The following RAVER1 variants were observed in gnomAD, a reference collection of about 807,000 sequenced individuals.
RAVER1 encodes the protein ribonucleoprotein, PTB binding 1, also known as ribonucleoprotein PTB-binding 1.
Under a neutral mutation model 68.4 loss-of-function variants are expected in RAVER1, and 36 were observed. That is an observed-to-expected ratio of 0.53 (90% CI 0.40 to 0.70). The LOEUF (loss-of-function observed/expected upper bound fraction) is 0.70. Ranked by LOEUF, RAVER1 falls within the 30% of genes least tolerant of loss-of-function variation. The pLI is 0.00. For missense variants in RAVER1, 933 were observed against 1,019.8 expected (o/e 0.91, Z 1.16); for synonymous variants, 469 against 472.7 (o/e 0.99, Z 0.10).
chr19:10,327,410 C>T (rs539981848), intron 3 of RAVER1, among the ~76,000 whole-genome samples: 31 of 151,952 alleles, frequency 2.0e-4, no homozygotes, highest in Non-Finnish European at 4.4e-4. Context: ...ACTACAGGCA[C>T]ACCATCATAC....
At chr19:10,324,786 G>A (rs970923200) in intron 3 of RAVER1, among the ~76,000 whole-genome samples, 2 of 152,194 alleles carry the variant, frequency 1.3e-5, no homozygotes, top group African/African-American at 4.8e-5. Context: ...ACCTCAAGCT[G>A]CTTCACTGTC....
chr19:10,324,630 T>G (rs1430754480), intron 3 of RAVER1, among the ~76,000 whole-genome samples: 1 of 152,132 alleles, frequency 6.6e-6, no homozygotes, highest in African/African-American at 2.4e-5. Flanking sequence ...CCGCCTGCCT[T>G]GGCCTCCCAA....
At chr19:10,320,596 A>G in intron 9 of RAVER1, 59 bp downstream of exon 9, 1 of 1,452,678 alleles carries the variant, frequency 6.9e-7, no homozygotes, top group South Asian at 1.3e-5. Flanking sequence ...TCCTAGAGAA[A>G]TATCAGTTTG....
Position 10,329,284 on chromosome 19 carries a change from C to T in RAVER1, c.287-173G>A, listed in dbSNP as rs2040497687. ...CACAGGCGAGAGCGCCTGCCATTGA[C>T]TCTAGGCTCCACGAAGCCCACTCCC... On this transcript the variant is annotated intron_variant, in intron 2 of 12. Coordinates refer to ENST00000617231, the MANE Select transcript of RAVER1 (RefSeq NM_133452.3). The surrounding 1 kb of genome is among the most constrained non-coding windows in gnomAD (Gnocchi z 4.6). Among the ~76,000 whole-genome samples the T allele has an allele frequency of 6.6e-6, 1 of 152,228 alleles. No homozygotes were observed. Among genetic ancestry groups the T allele is most frequent in the Non-Finnish European group, 1.5e-5 (1 of 68,040 alleles).
rs550762856 is a variant in RAVER1 at position 10,322,348 on chromosome 19, C to T, written c.1173+297G>A. 1 of 411,966 alleles carries T rather than the reference C, an allele frequency of 2.4e-6. No individual in the cohort carries two copies. Among genetic ancestry groups the T allele is most frequent in the South Asian group, 4.0e-5 (1 of 25,094 alleles). 25.5% of individuals were successfully genotyped at this position (411,966 alleles called of 1,614,324 possible). ...GGTGCCCAGCAGCGGCGCTCCCAGC[C>T]CACACCCAGTTTCAGGCTGTAAATG... On this transcript the variant is annotated intron_variant, in intron 6 of 12. Transcript: ENST00000617231. This position sits in a 1 kb window ranked among gnomAD's most constrained non-coding sequence, Gnocchi z 4.3.
At position 10,323,219 on chromosome 19, in the gene RAVER1, T is replaced by C. The variant is rs962135199; in HGVS notation, c.1004A>G (p.Asn335Ser). 5 of 1,613,178 alleles carry C rather than the reference T, an allele frequency of 3.1e-6. No homozygotes were observed. In the African/African-American group the frequency reaches 5.3e-5, roughly 17 times the overall value. The change falls in exon 5 of 13, where the codon AAC becomes AGC. Residue 335 changes from asparagine to serine, a missense_variant. Asn to Ser is a conservative substitution (Grantham distance 46, BLOSUM62 1). Transcript: ENST00000617231. This position sits in a 1 kb window ranked among gnomAD's most constrained non-coding sequence, Gnocchi z 6.2. ...LPEPNILQLL[N>S]NLGPSASLQL... ...GAGGGACGCGGATGGGCCCAGGTTG[T>C]TGAGCAGCTGCAGGATGTTGGGCTC...
rs1340747880 is a variant in RAVER1, at chr19:10,323,494, C to T, written c.829G>A (p.Glu277Lys). 2 of 1,609,558 alleles carry T rather than the reference C, an allele frequency of 1.2e-6. No homozygotes were observed. The highest frequency in any genetic ancestry group is 3.3e-5 in the Admixed American group (2 of 59,998). Residue 277 changes from glutamate (E) to lysine (K), a missense_variant, in exon 4 of 13, where the codon GAG becomes AAG. Transcript: ENST00000617231. The surrounding 1 kb of genome is among the most constrained non-coding windows in gnomAD (Gnocchi z 6.2). ...LEYETAEMAEEAQQQADGLSL... is the reference protein window; with the variant it reads ...LEYETAEMAEKAQQQADGLSL... ...AGGCCGTCCGCCTGCTGCTGTGCCT[C>T]CTCCGCCATCTCAGCCGTCTCATAC...
rs149137696 is a variant in RAVER1 at position 10,331,563 on chromosome 19, G to A, written c.220-1037C>T. Among the ~76,000 whole-genome samples the A allele has an allele frequency of 7.1e-3, 1,073 of 151,288 alleles. 13 individuals carry two copies. Among genetic ancestry groups the A allele is most frequent in the African/African-American group, 0.024 (995 of 41,242 alleles). On this transcript the variant is annotated intron_variant, in intron 1 of 12. Coordinates refer to ENST00000617231, the MANE Select transcript of RAVER1 (RefSeq NM_133452.3). Reference sequence around the variant, plus strand: ...CAGCTGGCTGTGGTGGCGTGCACCTGTAGTCCTAGCTACTCGGGAGACTGA... The same window carrying A: ...CAGCTGGCTGTGGTGGCGTGCACCTATAGTCCTAGCTACTCGGGAGACTGA...
rs916092464 is a variant in RAVER1, at chr19:10,319,747, A to G, written c.1771-507T>C. ...ACAGGCATGTCTACCACACCTGGCTAATTTTGTATTTTTAGTATAAAACAT... is the reference window on the plus strand; with the variant it reads ...ACAGGCATGTCTACCACACCTGGCTGATTTTGTATTTTTAGTATAAAACAT... On this transcript the variant is annotated intron_variant, in intron 9 of 12. Coordinates refer to ENST00000617231, the MANE Select transcript of RAVER1 (RefSeq NM_133452.3). Among the ~76,000 whole-genome samples, 11 of 150,442 alleles carry G rather than the reference A, an allele frequency of 7.3e-5. No homozygotes were observed. In the East Asian group the frequency reaches 2.1e-3, roughly 29 times the overall value.
intron 7 of RAVER1, 58 bp from the exon 8 acceptor site, chr19:10,321,317 C>T (rs1379091412): frequency 3.3e-6 from 3 of 909,202 alleles, no homozygotes; most frequent in Non-Finnish European, 4.4e-6. Flanking sequence ...CTCCCCAGGG[C>T]CCTCCAGCTC....
intron 3 of RAVER1, among the ~76,000 whole-genome samples, chr19:10,325,546 T>G (rs2040468507): frequency 6.6e-6 from 1 of 151,718 alleles, no homozygotes. Context: ...TTTACCATGT[T>G]GGCCAGGCTG....
rs1159357203 is a variant in RAVER1 at position 10,330,536 on chromosome 19, T to C, written c.220-10A>G. ...GCAGGTCATGTACTTCCTGTGGAGA[T>C]ACAAGACAAAAGACAGGGAGTTACT... On this transcript the variant is annotated splice_polypyrimidine_tract_variant and intron_variant, in intron 1 of 12. Transcript: ENST00000617231. 17 of 1,399,640 alleles carry C rather than the reference T, an allele frequency of 1.2e-5. No homozygotes were observed. Among genetic ancestry groups the C allele is most frequent in the Non-Finnish European group, 1.7e-5 (17 of 1,004,626 alleles). 86.7% of individuals were successfully genotyped at this position (1,399,640 alleles called of 1,614,324 possible).
intron 6 of RAVER1, 29 bp from the exon 7 acceptor site, chr19:10,321,647 T>G: frequency 7.1e-7 from 1 of 1,399,222 alleles, no homozygotes; most frequent in Non-Finnish European, 9.4e-7. Flanking sequence ...CAGTTGCAGA[T>G]GGGGGCAGGG....
chr19:10,333,163 G>T lies in RAVER1; in HGVS notation c.219+126C>A. ...CTCTTGGTCTCTCCCGATCCCGCGT[G>T]GATCCGGTGCTTGGGCGCCCCCGCC... On this transcript the variant is annotated intron_variant, in intron 1 of 12. Coordinates refer to ENST00000617231, the MANE Select transcript of RAVER1 (RefSeq NM_133452.3). This position sits in a 1 kb window ranked among gnomAD's most constrained non-coding sequence, Gnocchi z 4.2. 1 of 908,812 alleles carries T rather than the reference G, an allele frequency of 1.1e-6. No individual in the cohort carries two copies. Among genetic ancestry groups the T allele is most frequent in the Non-Finnish European group, 1.6e-6 (1 of 612,250 alleles). 56.3% of individuals were successfully genotyped at this position (908,812 alleles called of 1,614,324 possible).
In RAVER1 at chr19:10,328,899, C is replaced by T. The variant is rs1160311720; in HGVS notation, c.499G>A (p.Glu167Lys). The T allele has an allele frequency of 4.2e-5, 68 of 1,612,962 alleles. No homozygotes were observed. Among genetic ancestry groups the T allele is most frequent in the Non-Finnish European group, 5.7e-5 (67 of 1,179,624 alleles). ...SLERCFLVYS[E>K]RTGQSKGYGF... ...TAGCCCTTGGATTGGCCAGTGCGCT[C>T]ACTGTAGACCAGGAAGCAGCGCTCC... Residue 167 changes from glutamate to lysine, a missense_variant, in exon 3 of 13, where the codon GAG (glutamate) becomes AAG (lysine). Physicochemically the swap from Glu to Lys is moderately conservative, Grantham distance 56. Transcript: ENST00000617231. The surrounding 1 kb of genome is among the most constrained non-coding windows in gnomAD (Gnocchi z 4.4).
intron 11 of RAVER1, 40 bp downstream of exon 11, chr19:10,318,189 T>TA: frequency 6.5e-7 from 1 of 1,549,020 alleles, no homozygotes. Context: ...AAATCCTAGC[T>TA]GTCCCAGGGG....
intron 9 of RAVER1, among the ~76,000 whole-genome samples, chr19:10,319,454 G>A (rs965263900): frequency 2.6e-5 from 4 of 152,278 alleles, no homozygotes; most frequent in African/African-American, 9.6e-5. Flanking sequence ...TCCCAGGCAA[G>A]CTGGGAATTC....
rs183433912 is a variant in RAVER1 at position 10,321,234 on chromosome 19, C to T, written c.1287G>A (p.Pro429=). Residue 429 remains proline, a synonymous_variant, in exon 8 of 13, where the codon CCG becomes CCA. Coordinates refer to ENST00000617231, the MANE Select transcript of RAVER1 (RefSeq NM_133452.3). ...PAGGGLPPEL[P]PRRGKPPPLL... is the part of the protein sequence containing the mutation. Reference sequence around the variant, plus strand: ...GGGGTGGTGGCTTCCCTCGCCGGGGCGGCAGCTCCGGGGGCAGGCCCCCTC... The same window carrying T: ...GGGGTGGTGGCTTCCCTCGCCGGGGTGGCAGCTCCGGGGGCAGGCCCCCTC... The T allele has an allele frequency of 5.0e-5, 63 of 1,270,004 alleles. No homozygotes were observed. In the East Asian group the frequency reaches 8.8e-4, roughly 18 times the overall value. The allele number at this position is 1,270,004 out of a possible 1,614,324, so 78.7% of individuals were successfully genotyped here. A position where few individuals can be genotyped will look rare whatever the true frequency, so the allele number is the denominator to read the frequency against.
chr19:10,320,651 T>A lies in RAVER1; in HGVS notation c.1770+4A>T. 6.5e-7 allele frequency: 1 copy of A among 1,548,056 alleles called. No homozygotes were observed. Among genetic ancestry groups the A allele is most frequent in the Non-Finnish European group, 8.7e-7 (1 of 1,149,964 alleles). ...GGGACAGAGAGCTGCAGCCAGGCAC[T>A]CACCGAGGGGTAGTCGAAGCTGTAG... On this transcript the variant is annotated splice_donor_region_variant and intron_variant, in intron 9 of 12. Transcript: ENST00000617231.
Sources: gnomAD v4.1 joint callset for allele counts (sites outside exome capture counted in the v4.1 genomes callset) on GRCh38, gnomAD v4.1.1 for gene constraint, Gnocchi (gnomAD v3.1) non-coding constraint, MANE v1.5 for transcripts, NCBI Gene and HGNC (gene_info 2026-07-23, HGNC 2026-07-21) for gene names.